RBFOX1: variants seen among roughly 807,000 people sequenced by gnomAD.
RBFOX1 encodes RNA binding protein fox-1 homolog 1.
In RBFOX1, 8 loss-of-function variants were observed where a neutral mutation model predicts 57.7. The observed-to-expected ratio is 0.14, with a 90% CI of 0.08 to 0.25. RBFOX1 has a LOEUF of 0.25. Ranked by LOEUF, RBFOX1 falls within the 10% of genes least tolerant of loss-of-function variation. The pLI is 1.00. For missense variants in RBFOX1, 611 were observed against 548.5 expected (o/e 1.11, Z -1.14); for synonymous variants, 326 against 222.4 (o/e 1.47, Z -4.15).
chr16:5,768,623 G>T (rs1337287643), intron 3 of RBFOX1, among the ~76,000 whole-genome samples: 1 of 152,128 alleles, frequency 6.6e-6, no homozygotes, highest in African/African-American at 2.4e-5. Context: ...CTGCATCATA[G>T]CCAAAATCTG....
At chr16:5,568,902 G>A (rs540254627) in intron 2 of RBFOX1, among the ~76,000 whole-genome samples, 4 of 152,198 alleles carry the variant, frequency 2.6e-5, no homozygotes, top group East Asian at 1.9e-4. Context: ...GTGCAGTGAC[G>A]CGATCTCAGA....
At position 7,167,863 on chromosome 16, in the gene RBFOX1, C is replaced by T. The variant is rs112229351; in HGVS notation, c.27+115765C>T. The stretch of plus-strand genomic sequence containing the variant: ...CCTAAAATATTTACTATCTGGCCCT[C>T]TGCGAAAAAAGTGTGCCAACCGCTC... On this transcript the variant is annotated intron_variant, in intron 4 of 15. Coordinates refer to ENST00000550418, the MANE Select transcript of RBFOX1 (RefSeq NM_018723.4). Among the ~76,000 whole-genome samples, 7 of 18,114 alleles carry T rather than the reference C, an allele frequency of 3.9e-4. No individual in the cohort carries two copies. In the African/African-American group the frequency reaches 4.1e-3, roughly 11 times the overall value. The allele number at this position is 18,114 out of a possible 152,430, so 11.9% of individuals were successfully genotyped here. A position where few individuals can be genotyped will look rare whatever the true frequency, so the allele number is the denominator to read the frequency against.
intron 5 of RBFOX1, among the ~76,000 whole-genome samples, chr16:7,575,955 G>T (rs1236063902): frequency 1.3e-5 from 2 of 151,870 alleles, no homozygotes; most frequent in Non-Finnish European, 2.9e-5. Context: ...TGTTTTAGAG[G>T]CAGAGTCTTG....
chr16:6,695,816 T>G (rs2060959064), intron 3 of RBFOX1, among the ~76,000 whole-genome samples: 1 of 152,224 alleles, frequency 6.6e-6, no homozygotes. Context: ...ATGTCCTGTT[T>G]TGTTTGTTGG....
chr16:6,509,258 A>C (rs1015403653), intron 2 of RBFOX1, among the ~76,000 whole-genome samples: 2 of 152,170 alleles, frequency 1.3e-5, no homozygotes, highest in Non-Finnish European at 2.9e-5. Context: ...CTATGCGGTT[A>C]TTTGAGCTCC....
At chr16:6,067,360 G>T (rs2095779579) in intron 1 of RBFOX1, among the ~76,000 whole-genome samples, 1 of 80,814 alleles carries the variant, frequency 1.2e-5, no homozygotes, top group African/African-American at 5.5e-5. Flanking sequence ...TAGCAGAAGT[G>T]AATAGAGGCA....
chr16:7,676,340 C>A (rs1438445710), intron 13 of RBFOX1, among the ~76,000 whole-genome samples: 1 of 152,152 alleles, frequency 6.6e-6, no homozygotes, highest in Non-Finnish European at 1.5e-5. Context: ...GACAGGAAAG[C>A]ATTCACTTTA....
chr16:5,925,651 G>A (rs1010862825), intron 4 of RBFOX1, among the ~76,000 whole-genome samples: 12 of 152,040 alleles, frequency 7.9e-5, no homozygotes, highest in Admixed American at 7.9e-4. Flanking sequence ...TTTATGTTAT[G>A]TGTATTTTAC....
At chr16:5,366,228 G>A (rs1031168848) in intron 1 of RBFOX1, 1 of 415,570 alleles carries the variant, frequency 2.4e-6, no homozygotes, top group African/African-American at 2.1e-5. Context: ...TGCCCCTGGA[G>A]GTGGTAGCAT....
chr16:5,780,258 T>C (rs1272784197), intron 3 of RBFOX1, among the ~76,000 whole-genome samples: 1 of 152,250 alleles, frequency 6.6e-6, no homozygotes, highest in East Asian at 1.9e-4. Flanking sequence ...CATCTCTGCC[T>C]CCCAAAGTGT....
chr16:7,062,646 G>A (rs1452681090), intron 4 of RBFOX1, among the ~76,000 whole-genome samples: 5 of 152,160 alleles, frequency 3.3e-5, no homozygotes, highest in Admixed American at 3.3e-4. Context: ...GCCAAGGCAG[G>A]ACAGTTGAAT....
intron 1 of RBFOX1, among the ~76,000 whole-genome samples, chr16:6,180,691 G>A (rs2097056114): frequency 6.6e-6 from 1 of 151,732 alleles, no homozygotes; most frequent in South Asian, 2.1e-4. Flanking sequence ...TCAGCCTCCT[G>A]AGTAGCTGGG....
chr16:6,641,110 A>T (rs2098484005), intron 2 of RBFOX1, among the ~76,000 whole-genome samples: 2 of 152,310 alleles, frequency 1.3e-5, no homozygotes, highest in African/African-American at 4.8e-5. Context: ...TCAATTTGAT[A>T]ATTGCATCCT....
chr16:6,945,363 G>A (rs2079295516), intron 3 of RBFOX1, among the ~76,000 whole-genome samples: 1 of 152,164 alleles, frequency 6.6e-6, no homozygotes, highest in African/African-American at 2.4e-5. Context: ...AGTCAAACAT[G>A]GCCCATTGCT....
intron 4 of RBFOX1, among the ~76,000 whole-genome samples, chr16:5,917,203 T>C (rs1488282963): frequency 6.6e-6 from 1 of 152,180 alleles, no homozygotes; most frequent in Non-Finnish European, 1.5e-5. Context: ...GCGCCCGTGC[T>C]TTGAATCCAC....
At chr16:7,434,743 T>G (rs2098708874) in intron 4 of RBFOX1, among the ~76,000 whole-genome samples, 1 of 152,114 alleles carries the variant, frequency 6.6e-6, no homozygotes. Context: ...AACATTTTTT[T>G]TTTTTTTCTT....
chr16:6,905,046 A>C (rs79403149), intron 3 of RBFOX1, among the ~76,000 whole-genome samples: 4,955 of 152,270 alleles, frequency 0.033, 155 homozygotes, highest in East Asian at 0.13. Flanking sequence ...AAGTTGTACA[A>C]AATTGAATTA....
At chr16:5,894,350 T>A (rs1019315017) in intron 4 of RBFOX1, among the ~76,000 whole-genome samples, 2 of 152,210 alleles carry the variant, frequency 1.3e-5, no homozygotes, top group Non-Finnish European at 2.9e-5. Flanking sequence ...TGGCACAGTT[T>A]TGGCTCACTT....
intron 1 of RBFOX1, among the ~76,000 whole-genome samples, chr16:6,110,117 A>G (rs768271508): frequency 4.0e-5 from 6 of 151,822 alleles, no homozygotes; most frequent in Non-Finnish European, 8.8e-5. Context: ...TCTACTGTCT[A>G]TGGATAAGTA....
Sources: allele counts gnomAD v4.1 joint callset (sites outside exome capture counted in the v4.1 genomes callset), GRCh38; gene constraint gnomAD v4.1.1; transcripts MANE v1.5; gene names NCBI Gene and HGNC (gene_info 2026-07-23, HGNC 2026-07-21).